GRID1: variants seen among roughly 807,000 people sequenced by gnomAD.
The protein encoded by GRID1 is glutamate receptor ionotropic, delta-1.
A neutral mutation model predicts 98.0 loss-of-function variants in GRID1; 28 were observed. The ratio of observed to expected loss-of-function variants is 0.29; its 90% CI spans 0.21 to 0.39. GRID1 has a LOEUF of 0.39. Among genes scored for constraint, GRID1 ranks in the 10% least tolerant of loss-of-function variants. The pLI is 1.00. For synonymous variants in GRID1, 553 were observed against 538.5 expected (o/e 1.03, Z -0.37); for missense variants, 1,111 against 1,340.5 (o/e 0.83, Z 2.67).
intron 4 of GRID1, among the ~76,000 whole-genome samples, chr10:85,950,504 A>G (rs544360473): frequency 4.9e-4 from 75 of 152,326 alleles, no homozygotes; most frequent in African/African-American, 1.3e-3. Context: ...ACAGCTACAG[A>G]TAAGGGAGGC....
rs571852382 is a variant in GRID1, at chr10:85,670,235, A to C, written c.1998-22838T>G. The stretch of plus-strand genomic sequence containing the variant: ...CTTTCACCCATCTTTTTCCATCTTC[A>C]GAAAACAGAGCTACTAGGAATCCAC... On this transcript the variant is annotated intron_variant, in intron 12 of 15. Coordinates refer to ENST00000327946, the MANE Select transcript of GRID1 (RefSeq NM_017551.3). Among the ~76,000 whole-genome samples the C allele has an allele frequency of 3.3e-5, 5 of 152,304 alleles. 1 individual carries two copies. In the South Asian group the frequency reaches 6.2e-4, roughly 19 times the overall value.
At chr10:85,774,411 A>G (rs1437821229) in intron 8 of GRID1, among the ~76,000 whole-genome samples, 1 of 152,224 alleles carries the variant, frequency 6.6e-6, no homozygotes, top group Non-Finnish European at 1.5e-5. Flanking sequence ...GGACATAGGC[A>G]TGGGCAAGAA....
At chr10:85,684,094 T>C (rs780541817) in intron 12 of GRID1, among the ~76,000 whole-genome samples, 1 of 152,248 alleles carries the variant, frequency 6.6e-6, no homozygotes, top group East Asian at 1.9e-4. Flanking sequence ...TCACAATATG[T>C]GCAGATTCTG....
chr10:86,074,377 G>A lies in GRID1; in HGVS notation c.726+64442C>T, dbSNP rs558836105. 6.6e-5 allele frequency among the ~76,000 whole-genome samples: 10 copies of A among 152,170 alleles called. No individual in the cohort carries two copies. The East Asian group carries it at 1.3e-3, about 21-fold the overall frequency. ...ATCATTCTACCCGCTACCGCCACGT[G>A]TTCAAATGTTTTCATTCCCACATAT... On this transcript the variant is annotated intron_variant, in intron 4 of 15. Transcript: ENST00000327946.
At chr10:85,787,054 C>G (rs1842436300) in intron 8 of GRID1, among the ~76,000 whole-genome samples, 2 of 152,242 alleles carry the variant, frequency 1.3e-5, no homozygotes, top group South Asian at 4.1e-4. Flanking sequence ...CAATGCCTTG[C>G]AGCCCTGGTT....
intron 2 of GRID1, among the ~76,000 whole-genome samples, chr10:86,248,000 C>CT (rs879638931): frequency 0.041 from 6,168 of 152,296 alleles, 231 homozygotes; most frequent in Admixed American, 0.11. Context: ...CCCACAACCT[C>CT]CACAGAGATG....
At chr10:86,089,950 T>C (rs1844120936) in intron 4 of GRID1, among the ~76,000 whole-genome samples, 1 of 152,132 alleles carries the variant, frequency 6.6e-6, no homozygotes, top group Admixed American at 6.5e-5. Flanking sequence ...TTTCGCCATG[T>C]TGGCCAGGCT....
At chr10:86,290,462 C>A (rs959489917) in intron 2 of GRID1, among the ~76,000 whole-genome samples, 1 of 152,116 alleles carries the variant, frequency 6.6e-6, no homozygotes, top group African/African-American at 2.4e-5. Flanking sequence ...GCCTGGCCAA[C>A]ATAGCAAAAC....
chr10:86,186,098 G>T (rs991335288), intron 3 of GRID1, among the ~76,000 whole-genome samples: 1 of 152,172 alleles, frequency 6.6e-6, no homozygotes, highest in Non-Finnish European at 1.5e-5. Flanking sequence ...TCTTTAATCA[G>T]TATATGACCA....
intron 12 of GRID1, chr10:85,709,129 T>C (rs961140696): frequency 2.6e-5 from 9 of 341,782 alleles, no homozygotes; most frequent in Admixed American, 2.6e-4. Context: ...ATACCAGCAA[T>C]GTGTCAGGTG....
At chr10:86,127,684 T>G (rs76906391) in intron 4 of GRID1, among the ~76,000 whole-genome samples, 3,336 of 152,194 alleles carry the variant, frequency 0.022, 138 homozygotes, top group African/African-American at 0.076. Flanking sequence ...TCCTAGCCCC[T>G]CCTTACCACC....
intron 4 of GRID1, among the ~76,000 whole-genome samples, chr10:85,970,652 C>T (rs756047328): frequency 2.6e-5 from 4 of 151,926 alleles, no homozygotes; most frequent in African/African-American, 7.2e-5. Flanking sequence ...CAACACTCAA[C>T]GAATTAGGAA....
At chr10:85,884,005 T>C (rs1467372594) in intron 5 of GRID1, among the ~76,000 whole-genome samples, 1 of 152,178 alleles carries the variant, frequency 6.6e-6, no homozygotes, top group Non-Finnish European at 1.5e-5. Context: ...ATCTCATACG[T>C]CCTATTCCTT....
At chr10:85,602,722 G>C (rs781168058) in intron 15 of GRID1, 21 bp from the exon 16 acceptor site, 1 of 1,585,506 alleles carries the variant, frequency 6.3e-7, no homozygotes, top group African/African-American at 1.3e-5. Context: ...GGCATAGGAA[G>C]GTCAGGTGGA....
chr10:85,928,289 T>C (rs1841803045), intron 4 of GRID1, among the ~76,000 whole-genome samples: 1 of 152,192 alleles, frequency 6.6e-6, no homozygotes, highest in Non-Finnish European at 1.5e-5. Context: ...CAAGATTGCA[T>C]CTCTAAAACA....
intron 4 of GRID1, among the ~76,000 whole-genome samples, chr10:85,994,001 G>A (rs754888150): frequency 2.0e-5 from 3 of 152,102 alleles, no homozygotes; most frequent in African/African-American, 4.8e-5. Flanking sequence ...CCCCTTCCAC[G>A]GAGATGGACA....
chr10:86,178,210 C>G (rs1845604812), intron 3 of GRID1, among the ~76,000 whole-genome samples: 2 of 152,238 alleles, frequency 1.3e-5, no homozygotes, highest in Admixed American at 6.5e-5. Context: ...CACAAAATCA[C>G]TTGTCTCCCA....
At chr10:86,362,637 C>T (rs1848614610) in intron 2 of GRID1, among the ~76,000 whole-genome samples, 1 of 152,202 alleles carries the variant, frequency 6.6e-6, no homozygotes, top group African/African-American at 2.4e-5. Flanking sequence ...GGCCCCTTTC[C>T]TTCCTCTGCT....
At chr10:85,961,474 C>A (rs1405170913) in intron 4 of GRID1, among the ~76,000 whole-genome samples, 2 of 152,186 alleles carry the variant, frequency 1.3e-5, no homozygotes, top group African/African-American at 4.8e-5. Flanking sequence ...TGGCTTGTGT[C>A]CAAAGACCTC....
Sources: gnomAD v4.1 joint callset for allele counts (sites outside exome capture counted in the v4.1 genomes callset) on GRCh38, gnomAD v4.1.1 for gene constraint, MANE v1.5 for transcripts, NCBI Gene and HGNC (gene_info 2026-07-23, HGNC 2026-07-21) for gene names.